The following LMO7 variants were observed in gnomAD, a reference collection of about 807,000 sequenced individuals.
LMO7 encodes the protein LIM domain 7, also known as LIM domain only protein 7.
A neutral mutation model predicts 206.5 loss-of-function variants in LMO7; 120 were observed. The observed-to-expected ratio is 0.58, with a 90% confidence interval of 0.50 to 0.68. The LOEUF is 0.68. Among genes scored for constraint, LMO7 ranks in the 30% least tolerant of loss-of-function variants. LMO7 has a pLI of 0.00. For missense variants in LMO7, 1,959 were observed against 1,957.9 expected (o/e 1.00, Z -0.01); for synonymous variants, 706 against 681.5 (o/e 1.04, Z -0.56).
chr13:75,644,213 A>G (rs2036813824), intron 1 of LMO7, among the ~76,000 whole-genome samples: 1 of 152,140 alleles, frequency 6.6e-6, no homozygotes, highest in Non-Finnish European at 1.5e-5. Context: ...CACATGCATG[A>G]CATGTGGCAA....
intron 15 of LMO7, among the ~76,000 whole-genome samples, chr13:75,829,341 G>C (rs1438549082): frequency 1.3e-5 from 2 of 152,096 alleles, no homozygotes; most frequent in Admixed American, 1.3e-4. Context: ...GATGTATTTG[G>C]TAGGTAGAAG....
intron 1 of LMO7, among the ~76,000 whole-genome samples, chr13:75,711,487 G>C (rs1345148632): frequency 1.3e-5 from 2 of 152,080 alleles, no homozygotes; most frequent in African/African-American, 4.8e-5. Flanking sequence ...GCCTGTTATT[G>C]GTCTATTCAG....
At chr13:75,854,743 A>C (rs1185739464) in intron 28 of LMO7, among the ~76,000 whole-genome samples, 1 of 152,228 alleles carries the variant, frequency 6.6e-6, no homozygotes, top group Non-Finnish European at 1.5e-5. Context: ...CAGGAAAAGC[A>C]CTGACATTTC....
chr13:75,635,564 G>A (rs1211621309), upstream of LMO7, among the ~76,000 whole-genome samples: 1 of 152,328 alleles, frequency 6.6e-6, no homozygotes, highest in East Asian at 1.9e-4. Flanking sequence ...CCGCGAGGGC[G>A]ATCATCAAAC....
At chr13:75,754,268 T>C (rs921481608) in intron 3 of LMO7, among the ~76,000 whole-genome samples, 10 of 152,220 alleles carry the variant, frequency 6.6e-5, no homozygotes, top group Admixed American at 5.9e-4. Context: ...TTTATACAAA[T>C]GGAATACGTG....
intron 1 of LMO7, among the ~76,000 whole-genome samples, chr13:75,666,888 A>G (rs1016541134): frequency 6.6e-6 from 1 of 152,152 alleles, no homozygotes; most frequent in African/African-American, 2.4e-5. Context: ...TTCAGGAGAG[A>G]AACGAGGGCT....
intron 1 of LMO7, among the ~76,000 whole-genome samples, chr13:75,646,364 G>A (rs2037006281): frequency 6.6e-6 from 1 of 152,124 alleles, no homozygotes; most frequent in East Asian, 1.9e-4. Flanking sequence ...CTCTTTAAAA[G>A]TGTAAGTCAG....
rs139972623 is a variant in LMO7, at chr13:75,747,330, C to A, written c.211-13602C>A. On this transcript the variant is annotated intron_variant, in intron 3 of 30. Transcript: ENST00000377534. ...AATTTGACTAGCCCATGGTTCATTA[C>A]AGCTCACAGGTCATCTTCCTGTGAA... Among the ~76,000 whole-genome samples the A allele has an allele frequency of 1.1e-3, 164 of 152,294 alleles. 1 individual carries two copies. Among genetic ancestry groups the A allele is most frequent in the African/African-American group, 3.9e-3 (161 of 41,572 alleles).
upstream of LMO7, among the ~76,000 whole-genome samples, chr13:75,634,643 T>G (rs1218859039): frequency 6.6e-6 from 1 of 152,070 alleles, no homozygotes; most frequent in Non-Finnish European, 1.5e-5. Context: ...CTCGAGAGGC[T>G]GAGGCAGGAG....
chr13:75,853,439 A>C, intron 28 of LMO7, 51 bp downstream of exon 28: 1 of 1,451,260 alleles, frequency 6.9e-7, no homozygotes, highest in South Asian at 1.4e-5. Flanking sequence ...GTATTTTTTC[A>C]TTAAAATATC....
At chr13:75,637,179 G>T (rs186576018) in intron 1 of LMO7, among the ~76,000 whole-genome samples, 2 of 151,744 alleles carry the variant, frequency 1.3e-5, no homozygotes, top group Admixed American at 1.3e-4. Context: ...AGTGTGGAGG[G>T]GGGGAGCGGA....
intron 1 of LMO7, chr13:75,688,750 T>C (rs911474659): frequency 6.6e-6 from 1 of 152,238 alleles, no homozygotes; most frequent in East Asian, 1.9e-4. Flanking sequence ...ATTCCGTCTC[T>C]CCACACACTG....
At chr13:75,817,961 C>A (rs879510128) in intron 12 of LMO7, among the ~76,000 whole-genome samples, 3 of 151,862 alleles carry the variant, frequency 2.0e-5, no homozygotes, top group Admixed American at 2.0e-4. Flanking sequence ...TCAGAGCAAA[C>A]CCAAAGGAAT....
intron 3 of LMO7, among the ~76,000 whole-genome samples, chr13:75,743,898 G>A (rs1041824904): frequency 2.0e-5 from 3 of 152,162 alleles, no homozygotes; most frequent in East Asian, 1.9e-4. Context: ...TTTCAAGGTT[G>A]TATATTAATT....
chr13:75,807,890 A>G lies in LMO7; in HGVS notation c.1607A>G (p.Asp536Gly). ...GAAGTGCCGCTGTCTGGGGCCCCAG[A>G]TAGATACCACCCAGTCCCTTTTCCC... Reference protein sequence around the residue: ...KKEVPLSGAPDRYHPVPFPEP... With the variant: ...KKEVPLSGAPGRYHPVPFPEP... Residue 536 changes from aspartate to glycine, a missense_variant, in exon 10 of 31, where the codon GAT becomes GGT. Coordinates refer to ENST00000377534, the MANE Select transcript of LMO7 (RefSeq NM_001306080.2). 6.2e-7 allele frequency: 1 copy of G among 1,614,010 alleles called. No individual in the cohort carries two copies. Among genetic ancestry groups the G allele is most frequent in the East Asian group, 2.2e-5 (1 of 44,882 alleles).
chr13:75,740,725 A>G (rs948708453), intron 3 of LMO7, among the ~76,000 whole-genome samples: 3 of 152,166 alleles, frequency 2.0e-5, no homozygotes, highest in African/African-American at 7.2e-5. Context: ...CACTAACAGC[A>G]GCATTGGTAC....
At chr13:75,760,330 C>T in intron 3 of LMO7, 1 of 992,762 alleles carries the variant, frequency 1.0e-6, no homozygotes, top group South Asian at 4.6e-5. Flanking sequence ...GCCACACAAA[C>T]TATGCAATTT....
At chr13:75,724,195 G>T (rs781297755) in intron 2 of LMO7, among the ~76,000 whole-genome samples, 1 of 152,130 alleles carries the variant, frequency 6.6e-6, no homozygotes, top group Non-Finnish European at 1.5e-5. Flanking sequence ...GAAATTGCAG[G>T]CCAAAACTGT....
intron 4 of LMO7, among the ~76,000 whole-genome samples, chr13:75,769,834 A>G (rs2049394355): frequency 6.6e-6 from 1 of 152,150 alleles, no homozygotes; most frequent in Admixed American, 6.5e-5. Flanking sequence ...TTATAGTAAT[A>G]CTGATGGCTG....
Sources: allele counts gnomAD v4.1 joint callset (sites outside exome capture counted in the v4.1 genomes callset), GRCh38; gene constraint gnomAD v4.1.1; transcripts MANE v1.5; gene names NCBI Gene and HGNC (gene_info 2026-07-23, HGNC 2026-07-21).